The following CCDC144A variants were observed in gnomAD, a reference collection of about 807,000 sequenced individuals.
CCDC144A encodes coiled-coil domain containing 144A.
A neutral mutation model predicts 143.8 loss-of-function variants in CCDC144A; 41 were observed. That is an observed-to-expected ratio of 0.29 (90% confidence interval 0.22 to 0.37). The LOEUF (loss-of-function observed/expected upper bound fraction) is 0.37. Ranked by LOEUF, CCDC144A falls within the 10% of genes least tolerant of loss-of-function variation. The pLI is 1.00. For missense variants in CCDC144A, 637 were observed against 1,488.8 expected, an observed-to-expected ratio of 0.43 and a Z score of 9.41; for synonymous variants, 242 against 517.9, an observed-to-expected ratio of 0.47 and a Z score of 7.23.
chr17:16,734,721 T>G lies in CCDC144A; in HGVS notation c.2450T>G (p.Leu817Arg). 3 of 1,587,888 alleles carry G rather than the reference T, an allele frequency of 1.9e-6. No individual in the cohort carries two copies. The highest frequency in any genetic ancestry group is 2.6e-6 in the Non-Finnish European group (3 of 1,169,810). ...CATAGGCATCAGAAAGAAAAGGATC[T>G]CTTTCATGAAGATTGCATGTTGCAG... ...ISHRHQKEKD[L>R]FHEDCMLQEE... Residue 817 changes from leucine to arginine, a missense_variant, in exon 12 of 17, where the codon CTC becomes CGC. Coordinates refer to ENST00000399273, the MANE Select transcript of CCDC144A (RefSeq NM_001382000.1).
intron 9 of CCDC144A, among the ~76,000 whole-genome samples, chr17:16,728,342 G>A (rs1913534374): frequency 6.6e-6 from 1 of 152,138 alleles, no homozygotes; most frequent in Non-Finnish European, 1.5e-5. Flanking sequence ...GCCCAGCCCA[G>A]AACATTTTTT....
intron 6 of CCDC144A, among the ~76,000 whole-genome samples, chr17:16,712,333 C>A (rs117638898): frequency 6.6e-6 from 1 of 151,894 alleles, no homozygotes; most frequent in Non-Finnish European, 1.5e-5. Context: ...TTTAAAAAAT[C>A]GGAAGTATTG....
At chr17:16,769,237 A>G (rs541110935) in intron 15 of CCDC144A, among the ~76,000 whole-genome samples, 27 of 152,306 alleles carry the variant, frequency 1.8e-4, no homozygotes, top group Non-Finnish European at 2.8e-4. Flanking sequence ...AAGCAAGCAC[A>G]CTGTGTGCTT....
At chr17:16,768,094 A>G (rs1452910383) in intron 15 of CCDC144A, among the ~76,000 whole-genome samples, 2 of 152,296 alleles carry the variant, frequency 1.3e-5, no homozygotes, top group African/African-American at 2.4e-5. Context: ...GTCTATAGAC[A>G]TAAGTTTAAT....
At chr17:16,749,971 G>A (rs1353389669) in intron 12 of CCDC144A, among the ~76,000 whole-genome samples, 2 of 152,204 alleles carry the variant, frequency 1.3e-5, no homozygotes, top group Non-Finnish European at 2.9e-5. Context: ...GAGCCTGTGG[G>A]TGCCATTACA....
intron 12 of CCDC144A, among the ~76,000 whole-genome samples, chr17:16,756,364 G>T (rs1231123100): frequency 6.6e-6 from 1 of 151,966 alleles, no homozygotes; most frequent in Non-Finnish European, 1.5e-5. Context: ...TTCAAGTTCA[G>T]AAATTCATTC....
intron 12 of CCDC144A, among the ~76,000 whole-genome samples, chr17:16,743,264 A>G (rs1914341022): frequency 6.6e-6 from 1 of 151,592 alleles, no homozygotes; most frequent in Admixed American, 6.6e-5. Flanking sequence ...TGATTTTTGT[A>G]TATGGTGAAA....
At chr17:16,708,194 T>C (rs968358457) in intron 4 of CCDC144A, among the ~76,000 whole-genome samples, 10 of 152,288 alleles carry the variant, frequency 6.6e-5, no homozygotes, top group African/African-American at 2.4e-4. Context: ...TAGTATATAT[T>C]AGAACAGAAC....
intron 12 of CCDC144A, chr17:16,746,507 T>C (rs1224235853): frequency 6.2e-7 from 1 of 1,613,862 alleles, no homozygotes; most frequent in African/African-American, 1.3e-5. Flanking sequence ...CTTCTCTTCC[T>C]CCACACAGTA....
rs941225809 is a variant in CCDC144A at position 16,729,987 on chromosome 17, T to C, written c.2106-1813T>C. Reference sequence around the variant, plus strand: ...TCATATATATATATATATATATATATATATACACACATACATTTTTTGTTT... The same window carrying C: ...TCATATATATATATATATATATATACATATACACACATACATTTTTTGTTT... On this transcript the variant is annotated intron_variant, in intron 9 of 16. Coordinates refer to ENST00000399273, the MANE Select transcript of CCDC144A (RefSeq NM_001382000.1). Among the ~76,000 whole-genome samples the C allele has an allele frequency of 2.3e-3, 280 of 122,726 alleles. 6 individuals carry two copies. Among genetic ancestry groups the C allele is most frequent in the Admixed American group, 6.7e-3 (84 of 12,562 alleles). The allele number at this position is 122,726 out of a possible 152,430, so 80.5% of individuals were successfully genotyped here.
chr17:16,731,136 A>C (rs938069994), intron 9 of CCDC144A: 1 of 152,200 alleles, frequency 6.6e-6, no homozygotes, highest in African/African-American at 2.4e-5. Flanking sequence ...TAAATATTAG[A>C]TCCTGTCTTG....
chr17:16,724,526 A>G (rs1913280339), intron 8 of CCDC144A, among the ~76,000 whole-genome samples: 1 of 150,930 alleles, frequency 6.6e-6, no homozygotes, highest in Non-Finnish European at 1.5e-5. Flanking sequence ...AAAAAAAAAA[A>G]AAAAGATTGA....
intron 15 of CCDC144A, among the ~76,000 whole-genome samples, chr17:16,768,417 G>A (rs1915696543): frequency 6.6e-6 from 1 of 152,232 alleles, no homozygotes; most frequent in Non-Finnish European, 1.5e-5. Flanking sequence ...ATTCCAGCCT[G>A]TATAAGGGCA....
chr17:16,696,254 A>G (rs1280717170), intron 2 of CCDC144A, among the ~76,000 whole-genome samples: 3 of 151,482 alleles, frequency 2.0e-5, no homozygotes, highest in Admixed American at 6.6e-5. Flanking sequence ...ACCTCAAGTG[A>G]TCCACCCACC....
At chr17:16,729,194 A>T (rs1000425614) in intron 9 of CCDC144A, among the ~76,000 whole-genome samples, 1 of 152,208 alleles carries the variant, frequency 6.6e-6, no homozygotes, top group Non-Finnish European at 1.5e-5. Context: ...GTACTAATTT[A>T]CATTTCCACC....
At chr17:16,761,937 T>G (rs2143373521) in intron 13 of CCDC144A, among the ~76,000 whole-genome samples, 2 of 152,384 alleles carry the variant, frequency 1.3e-5, no homozygotes, top group South Asian at 4.1e-4. Context: ...TAGAGAATCA[T>G]TTAATTACTA....
At position 16,762,188 on chromosome 17, in the gene CCDC144A, T is replaced by G; in HGVS notation, c.3667-125T>G. ...TCTTTCTTCACATTTTTCTTAAAAT[T>G]GTTCTCTGAATCACGTACTTAAAAT... On this transcript the variant is annotated intron_variant, in intron 13 of 16. Transcript: ENST00000399273. 4.1e-6 allele frequency: 6 copies of G among 1,449,796 alleles called. No individual in the cohort carries two copies. The South Asian group carries it at 8.3e-5, about 20-fold the overall frequency. 89.8% of individuals were successfully genotyped at this position (1,449,796 alleles called of 1,614,324 possible). A position where few individuals can be genotyped will look rare whatever the true frequency, so the allele number is the denominator to read the frequency against.
Position 16,708,981 on chromosome 17 carries a change from A to C in CCDC144A, c.924A>C (p.Lys308Asn). 1.2e-6 allele frequency: 2 copies of C among 1,611,716 alleles called. No individual in the cohort carries two copies. Among genetic ancestry groups the C allele is most frequent in the Non-Finnish European group, 1.7e-6 (2 of 1,179,634 alleles). The change falls in exon 5 of 17, where the codon AAA (lysine) becomes AAC (asparagine). Residue 308 changes from lysine (K) to asparagine (N), a missense_variant. Coordinates refer to ENST00000399273, the MANE Select transcript of CCDC144A (RefSeq NM_001382000.1). ...LKQRFGEIYE[K>N]YKIPACPEEE... ...AGAGGTTTGGTGAAATTTATGAAAA[A>C]TACAAAATTCCGGCTTGTCCTGAGG...
the CCDC144A span, among the ~76,000 whole-genome samples, chr17:16,681,433 A>G: frequency 2.9e-4 from 44 of 152,264 alleles, no homozygotes; most frequent in African/African-American, 1.1e-3. Flanking sequence ...ACATTTATTG[A>G]TCATTTACCT....
Sources: allele counts gnomAD v4.1 joint callset (sites outside exome capture counted in the v4.1 genomes callset), GRCh38; gene constraint gnomAD v4.1.1; transcripts MANE v1.5; gene names NCBI Gene and HGNC (gene_info 2026-07-23, HGNC 2026-07-21).